The following KALRN variants were observed in gnomAD, a reference collection of about 807,000 sequenced individuals.
KALRN encodes kalirin.
KALRN carries 70 observed loss-of-function variants against 353.7 expected under a neutral mutation model. The observed-to-expected ratio is 0.20, with a 90% CI of 0.16 to 0.24. The LOEUF is 0.24. Among genes scored for constraint, KALRN ranks in the 10% least tolerant of loss-of-function variants. KALRN has a pLI of 1.00. For missense variants in KALRN, 2,791 were observed against 3,756.7 expected, an observed-to-expected ratio of 0.74 and a Z score of 6.72; for synonymous variants, 1,391 against 1,434.8, an observed-to-expected ratio of 0.97 and a Z score of 0.69.
intron 3 of KALRN, among the ~76,000 whole-genome samples, chr3:124,251,544 A>AT (rs1243316486): frequency 9.9e-5 from 15 of 151,552 alleles, no homozygotes; most frequent in African/African-American, 3.6e-4. Context: ...TACTTTTGGT[A>AT]TTTTTTTGTA....
intron 10 of KALRN, among the ~76,000 whole-genome samples, chr3:124,376,881 C>T (rs937139058): frequency 1.3e-5 from 2 of 151,940 alleles, no homozygotes; most frequent in African/African-American, 2.4e-5. Flanking sequence ...GAATACAATT[C>T]TCCTTAGAAG....
intron 1 of KALRN, among the ~76,000 whole-genome samples, chr3:124,084,619 G>T (rs201246938): frequency 6.6e-6 from 1 of 152,222 alleles, no homozygotes; most frequent in East Asian, 1.9e-4. Flanking sequence ...CCCCAAGGGA[G>T]CCCAAGTACT....
intron 5 of KALRN, among the ~76,000 whole-genome samples, chr3:124,287,900 G>T (rs921259704): frequency 5.3e-5 from 8 of 149,874 alleles, no homozygotes; most frequent in Admixed American, 2.0e-4. Flanking sequence ...TTGAGACAGA[G>T]TTTCATTCTG....
chr3:124,698,177 C>T (rs1027069750), intron 55 of KALRN, among the ~76,000 whole-genome samples: 1 of 152,188 alleles, frequency 6.6e-6, no homozygotes, highest in African/African-American at 2.4e-5. Flanking sequence ...CTATGCTGCC[C>T]AGGCTGCTGG....
At chr3:124,513,065 T>C (rs1265018614) in intron 33 of KALRN, among the ~76,000 whole-genome samples, 5 of 152,090 alleles carry the variant, frequency 3.3e-5, no homozygotes, top group Admixed American at 2.0e-4. Context: ...AGACAGTGAA[T>C]TCAGGCTGAC....
intron 2 of KALRN, 95 bp downstream of exon 2, chr3:124,228,159 G>T: frequency 9.9e-7 from 1 of 1,013,132 alleles, no homozygotes; most frequent in Non-Finnish European, 1.6e-6. Flanking sequence ...TAGGGGAGAA[G>T]TAGGGGTGGG....
chr3:124,353,512 G>T lies in KALRN; in HGVS notation c.1770+6247G>T, dbSNP rs886431730. On this transcript the variant is annotated intron_variant, in intron 10 of 59. Transcript: ENST00000682506. ...AAGAAATTCTGTGACAAGAAAAGAG[G>T]CATAATGTTTGCTCCTTTAGGATTT... is the stretch of plus-strand genomic sequence containing the variant. Among the ~76,000 whole-genome samples, 3 of 152,096 alleles carry T rather than the reference G, an allele frequency of 2.0e-5. No homozygotes were observed. In the East Asian group the frequency reaches 5.8e-4, roughly 29 times the overall value.
intron 1 of KALRN, among the ~76,000 whole-genome samples, chr3:124,196,272 G>C (rs2075415117): frequency 6.6e-6 from 1 of 152,084 alleles, no homozygotes; most frequent in African/African-American, 2.4e-5. Flanking sequence ...GGCCAGTTGG[G>C]TATGTGAGGG....
At chr3:124,392,647 C>T (rs1268034424) in intron 11 of KALRN, among the ~76,000 whole-genome samples, 1 of 149,930 alleles carries the variant, frequency 6.7e-6, no homozygotes, top group African/African-American at 2.4e-5. Flanking sequence ...CTCTATCACC[C>T]AGGCTGGAGT....
intron 33 of KALRN, among the ~76,000 whole-genome samples, chr3:124,517,220 T>C (rs2066708066): frequency 6.6e-6 from 1 of 152,220 alleles, no homozygotes; most frequent in African/African-American, 2.4e-5. Context: ...GTATAGCTCC[T>C]GGCTTTCTTC....
chr3:124,405,868 T>G (rs538887649), intron 13 of KALRN, among the ~76,000 whole-genome samples: 14 of 152,142 alleles, frequency 9.2e-5, no homozygotes, highest in African/African-American at 3.4e-4. Context: ...ATGGCCTCGA[T>G]CTCCTGACCT....
At chr3:124,134,634 A>G (rs994492359) in intron 1 of KALRN, among the ~76,000 whole-genome samples, 2 of 152,246 alleles carry the variant, frequency 1.3e-5, no homozygotes, top group African/African-American at 4.8e-5. Flanking sequence ...CATTTGACAA[A>G]GGACTAATAT....
At chr3:124,339,308 G>A (rs1251192248) in intron 9 of KALRN, among the ~76,000 whole-genome samples, 1 of 152,030 alleles carries the variant, frequency 6.6e-6, no homozygotes, top group East Asian at 1.9e-4. Flanking sequence ...CCCTCAGCTG[G>A]CTTCCACCCA....
At chr3:124,273,145 A>G (rs1255949104) in intron 5 of KALRN, among the ~76,000 whole-genome samples, 2 of 152,206 alleles carry the variant, frequency 1.3e-5, no homozygotes, top group East Asian at 3.8e-4. Flanking sequence ...TTCCCCATTT[A>G]CCAGCTGGCC....
intron 25 of KALRN, among the ~76,000 whole-genome samples, chr3:124,473,370 C>A (rs1003991827): frequency 1.5e-5 from 2 of 133,050 alleles, no homozygotes; most frequent in East Asian, 2.1e-4. Flanking sequence ...GTTTTAAAAT[C>A]AAAATTAGAT....
intron 7 of KALRN, among the ~76,000 whole-genome samples, chr3:124,327,809 C>A (rs964481728): frequency 6.6e-6 from 1 of 152,170 alleles, no homozygotes; most frequent in South Asian, 2.1e-4. Context: ...CCCTCTGTTA[C>A]CCTCTCTAGT....
intron 33 of KALRN, among the ~76,000 whole-genome samples, chr3:124,539,600 TA>T (rs1186450078): frequency 2.0e-5 from 3 of 152,054 alleles, no homozygotes; most frequent in Non-Finnish European, 4.4e-5. Flanking sequence ...AGGTGCTGAA[TA>T]AAGAAAGGAC....
chr3:124,269,329 T>C, intron 5 of KALRN, 74 bp downstream of exon 5: 1 of 1,441,624 alleles, frequency 6.9e-7, no homozygotes, highest in Non-Finnish European at 9.4e-7. Context: ...AACTTTCTGA[T>C]TAATGATAGT....
chr3:124,112,311 A>C (rs1464279780), intron 1 of KALRN, among the ~76,000 whole-genome samples: 4 of 151,430 alleles, frequency 2.6e-5, no homozygotes, highest in Non-Finnish European at 4.4e-5. Context: ...TCACAAAAAA[A>C]AAAAAAAAAA....
Sources: allele counts gnomAD v4.1 joint callset (sites outside exome capture counted in the v4.1 genomes callset), GRCh38; gene constraint gnomAD v4.1.1; transcripts MANE v1.5; gene names NCBI Gene and HGNC (gene_info 2026-07-23, HGNC 2026-07-21).